Variants in SLC45A2 observed in about 807,000 individuals in gnomAD.
SLC45A2 encodes the protein solute carrier family 45 member 2.
SLC45A2 carries 36 observed loss-of-function variants against 45.5 expected under a neutral mutation model. The ratio of observed to expected loss-of-function variants is 0.79; its 90% CI spans 0.61 to 1.04. The LOEUF is 1.04. SLC45A2 is among the 50% of genes least tolerant of loss of function. SLC45A2 has a pLI of 0.00. For synonymous variants in SLC45A2, 306 were observed against 269.3 expected (o/e 1.14, Z -1.33); for missense variants, 719 against 671.0 (o/e 1.07, Z -0.79).
At chr5:33,945,184 C>G in intron 6 of SLC45A2, among the ~76,000 whole-genome samples, 1 of 152,104 alleles carries the variant, frequency 6.6e-6, no homozygotes, top group East Asian at 1.9e-4. Context: ...TAATTTTCAC[C>G]TGTCACAAGA....
intron 2 of SLC45A2, among the ~76,000 whole-genome samples, chr5:33,977,412 T>C (rs892377694): frequency 3.3e-5 from 5 of 152,352 alleles, no homozygotes; most frequent in Admixed American, 1.3e-4. Flanking sequence ...GGCACCTTCA[T>C]GTTCATCTAC....
At chr5:33,955,962 C>A (rs1279300808) in intron 3 of SLC45A2, among the ~76,000 whole-genome samples, 2 of 151,604 alleles carry the variant, frequency 1.3e-5, no homozygotes, top group African/African-American at 4.8e-5. Flanking sequence ...AGACAATGTC[C>A]CAAAGAAATC....
At chr5:33,984,064 G>T in intron 1 of SLC45A2, 135 bp downstream of exon 1, 1 of 1,249,406 alleles carries the variant, frequency 8.0e-7, no homozygotes, top group Non-Finnish European at 1.1e-6. Context: ...TGTCAAAGGG[G>T]AAGTTCATTG....
chr5:33,972,981 AGTTGAATAAAATCT>A (rs1752830100), intron 2 of SLC45A2, among the ~76,000 whole-genome samples: 1 of 152,240 alleles, frequency 6.6e-6, no homozygotes, highest in Non-Finnish European at 1.5e-5. Context: ...CATTCTAAAA[AGTTGAATAAAATCT>A]GTTTGATTCA....
chr5:33,957,130 A>G (rs1388398150), intron 3 of SLC45A2, among the ~76,000 whole-genome samples: 6 of 152,224 alleles, frequency 3.9e-5, no homozygotes, highest in African/African-American at 1.4e-4. Context: ...ACAAAAAATG[A>G]TAATAGCTTT....
intron 2 of SLC45A2, among the ~76,000 whole-genome samples, chr5:33,966,489 G>A (rs550201313): frequency 1.4e-5 from 2 of 142,422 alleles, no homozygotes; most frequent in East Asian, 4.5e-4. Flanking sequence ...GCCGGACTGC[G>A]GACTGCAGTG....
intron 2 of SLC45A2, among the ~76,000 whole-genome samples, chr5:33,965,713 C>T (rs185707454): frequency 6.6e-6 from 1 of 152,324 alleles, no homozygotes; most frequent in Non-Finnish European, 1.5e-5. Context: ...TGTAGTGCCT[C>T]TGGTTATTAT....
Position 33,984,256 on chromosome 5 carries a change from C to T in SLC45A2, c.328G>A (p.Gly110Arg), listed in dbSNP as rs762813061. 6 of 1,614,128 alleles carry T rather than the reference C, an allele frequency of 3.7e-6. No homozygotes were observed. Among genetic ancestry groups the T allele is most frequent in the South Asian group, 1.1e-5 (1 of 91,082 alleles). Residue 110 changes from glycine (G) to arginine (R), a missense_variant, in exon 1 of 7, where the codon GGA becomes AGA. Transcript: ENST00000296589. ...GRRRPYILTL[G>R]VMMLVGMALY... is the part of the protein sequence containing the mutation. ...GCCATGCCCACGAGCATCATGACTCCCAGGGTGAGGATGTAGGGTCTCCGG... is the reference window on the plus strand; with the variant it reads ...GCCATGCCCACGAGCATCATGACTCTCAGGGTGAGGATGTAGGGTCTCCGG...
chr5:33,984,437 G>T lies in SLC45A2; in HGVS notation c.147C>A (p.Tyr49Ter), dbSNP rs776324493. The T allele has an allele frequency of 3.7e-6, 6 of 1,613,732 alleles. No individual in the cohort carries two copies. Among genetic ancestry groups the T allele is most frequent in the Non-Finnish European group, 5.1e-6 (6 of 1,179,894 alleles). The stretch of plus-strand genomic sequence containing the variant: ...GGGTCACATACGCTGCCTCCACCGC[G>T]TAGCAGAACTCTCTTCCGAACATGG... Reference protein sequence around the residue: ...SMAMFGREFCYAVEAAYVTPV... With the variant: ...SMAMFGREFC The change falls in exon 1 of 7, where the codon TAC becomes TAA. Residue 49 changes from tyrosine (Y) to a stop codon, truncating the protein, a stop_gained. Transcript: ENST00000296589. LOFTEE classifies it high-confidence loss of function.
intron 3 of SLC45A2, among the ~76,000 whole-genome samples, chr5:33,959,672 G>A (rs1752387446): frequency 6.6e-6 from 1 of 152,152 alleles, no homozygotes; most frequent in South Asian, 2.1e-4. Context: ...CTCCTATCAA[G>A]TGGCATGGCG....
At chr5:33,972,496 T>C (rs1466932426) in intron 2 of SLC45A2, 1 of 229,610 alleles carries the variant, frequency 4.4e-6, no homozygotes, top group Non-Finnish European at 8.9e-6. Flanking sequence ...ACCTGAGAAA[T>C]GCTTGTACTG....
rs545862489 is a variant in SLC45A2 at position 33,947,120 on chromosome 5, G to A, written c.1368+43C>T. ...ACCAAATCCTCCCCAGCCTTCAGAT[G>A]AGTCTGGATGTTACCCAAGGCAGAG... On this transcript the variant is annotated intron_variant, in intron 6 of 6. Coordinates refer to ENST00000296589, the MANE Select transcript of SLC45A2 (RefSeq NM_016180.5). The A allele has an allele frequency of 1.9e-5, 31 of 1,614,168 alleles. No individual in the cohort carries two copies. In the East Asian group the frequency reaches 2.7e-4, roughly 14 times the overall value.
chr5:33,946,983 C>T, intron 6 of SLC45A2, 180 bp downstream of exon 6: 1 of 1,545,850 alleles, frequency 6.5e-7, no homozygotes, highest in South Asian at 1.2e-5. Context: ...GACAGCTGGG[C>T]TGGGCTGGGC....
intron 6 of SLC45A2, chr5:33,946,274 G>T: frequency 1.0e-6 from 1 of 985,372 alleles, no homozygotes; most frequent in African/African-American, 1.7e-5. Flanking sequence ...CCTCTTTTTT[G>T]AAAGGTTTTT....
intron 4 of SLC45A2, among the ~76,000 whole-genome samples, chr5:33,952,240 C>T (rs1433558356): frequency 6.6e-6 from 1 of 152,124 alleles, no homozygotes; most frequent in Non-Finnish European, 1.5e-5. Flanking sequence ...GATTGCTCCA[C>T]CTTGGCCTCG....
intron 1 of SLC45A2, among the ~76,000 whole-genome samples, chr5:33,983,478 C>T (rs550001990): frequency 4.6e-5 from 7 of 152,292 alleles, no homozygotes; most frequent in African/African-American, 7.2e-5. Flanking sequence ...TGTACATTTA[C>T]GCTTTCTTTC....
intron 2 of SLC45A2, among the ~76,000 whole-genome samples, chr5:33,979,427 T>C (rs1206035935): frequency 6.6e-6 from 1 of 152,208 alleles, no homozygotes; most frequent in African/African-American, 2.4e-5. Flanking sequence ...TCAGAGAGAA[T>C]AGACTGTAAA....
Position 33,961,397 on chromosome 5 carries a change from TC to T in SLC45A2, c.888+2293del, listed in dbSNP as rs767438617. On this transcript the variant is annotated intron_variant, in intron 3 of 6. Coordinates refer to ENST00000296589, the MANE Select transcript of SLC45A2 (RefSeq NM_016180.5). ...TCCAATTTGCTTTCCTAACTTTATTTCTAAAGTTACAAACTCTGTGATCTAT... is the reference window on the plus strand; with the variant it reads ...TCCAATTTGCTTTCCTAACTTTATTTTAAAGTTACAAACTCTGTGATCTAT... 1.6e-4 allele frequency among the ~76,000 whole-genome samples: 25 copies of T among 152,278 alleles called. No homozygotes were observed. In the East Asian group the frequency reaches 2.5e-3, roughly 15 times the overall value.
intron 3 of SLC45A2, among the ~76,000 whole-genome samples, chr5:33,960,392 G>C (rs1010114166): frequency 6.6e-6 from 1 of 151,922 alleles, no homozygotes; most frequent in Admixed American, 6.6e-5. Flanking sequence ...CGTGTGTGCA[G>C]GTATCTTTTA....
Sources: gnomAD v4.1 joint callset for allele counts (sites outside exome capture counted in the v4.1 genomes callset) on GRCh38, gnomAD v4.1.1 for gene constraint, MANE v1.5 for transcripts, NCBI Gene and HGNC (gene_info 2026-07-23, HGNC 2026-07-21) for gene names.